Variants in CAPN14 observed in about 807,000 individuals in gnomAD.
The protein encoded by CAPN14 is calpain-14.
Under a neutral mutation model 101.3 loss-of-function variants are expected in CAPN14, and 94 were observed. That is an observed-to-expected ratio of 0.93 (90% CI 0.79 to 1.10). The LOEUF (loss-of-function observed/expected upper bound fraction) is 1.10. CAPN14 is among the 50% of genes least tolerant of loss of function. The pLI, the probability that CAPN14 is intolerant of heterozygous loss-of-function variation, is 0.00. For synonymous variants in CAPN14, 338 were observed against 317.9 expected (o/e 1.06, Z -0.67); for missense variants, 837 against 828.4 (o/e 1.01, Z -0.13).
At chr2:31,212,383 T>A (rs1472624933) in intron 1 of CAPN14, among the ~76,000 whole-genome samples, 3 of 151,744 alleles carry the variant, frequency 2.0e-5, no homozygotes, top group Non-Finnish European at 4.4e-5. Flanking sequence ...CTCAATATAG[T>A]TGATTCAAAC....
intron 2 of CAPN14, among the ~76,000 whole-genome samples, chr2:31,203,988 T>C (rs981013315): frequency 3.3e-5 from 5 of 152,212 alleles, no homozygotes; most frequent in Non-Finnish European, 5.9e-5. Context: ...GTAAAGTGAT[T>C]AATAGCTTCT....
intron 1 of CAPN14, among the ~76,000 whole-genome samples, chr2:31,208,190 GT>G (rs1400042054): frequency 1.4e-4 from 21 of 151,878 alleles, no homozygotes; most frequent in African/African-American, 4.8e-4. Context: ...AAAAACTGGA[GT>G]TTTTTTCCCT....
At position 31,203,123 on chromosome 2, in the gene CAPN14, G is replaced by A; in HGVS notation, c.242C>T (p.Pro81Leu). 7 of 1,551,518 alleles carry A rather than the reference G, an allele frequency of 4.5e-6. No homozygotes were observed. Among genetic ancestry groups the A allele is most frequent in the Non-Finnish European group, 6.1e-6 (7 of 1,146,950 alleles). ...TTTGGCCTTGGCAAAATAAAACTGG[G>A]GATTGCTGTGCAGCTCCTGGGAAAG... The part of the protein sequence containing the change: ...WKRPPELHSN[P>L]QFYFAKAKRL... Residue 81 changes from proline (P) to leucine (L), a missense_variant, in exon 3 of 22, where the codon CCC becomes CTC. Coordinates refer to ENST00000403897, the MANE Select transcript of CAPN14 (RefSeq NM_001145122.2).
intron 1 of CAPN14, among the ~76,000 whole-genome samples, chr2:31,216,503 C>T (rs1039289541): frequency 2.0e-5 from 3 of 152,234 alleles, no homozygotes; most frequent in Middle Eastern, 3.4e-3. Flanking sequence ...CACAGTCCAA[C>T]GACCAGGCTC....
At position 31,189,489 on chromosome 2, in the gene CAPN14, A is replaced by C. The variant is rs1407578990; in HGVS notation, c.1288-11T>G. Reference sequence around the variant, plus strand: ...CTGGTCATCATGGTACTGTGGGTAGAGGACAGAAGAACAGCAAGGGAGGTG... The same window carrying C: ...CTGGTCATCATGGTACTGTGGGTAGCGGACAGAAGAACAGCAAGGGAGGTG... On this transcript the variant is annotated splice_polypyrimidine_tract_variant and intron_variant, in intron 12 of 21. Transcript: ENST00000403897. The C allele has an allele frequency of 6.5e-7, 1 of 1,548,250 alleles. No individual in the cohort carries two copies. Among genetic ancestry groups the C allele is most frequent in the Non-Finnish European group, 8.7e-7 (1 of 1,144,930 alleles).
At chr2:31,176,670 A>G (rs1374061474) in intron 20 of CAPN14, 28 bp from the exon 21 acceptor site, 2 of 1,532,094 alleles carry the variant, frequency 1.3e-6, no homozygotes, top group Admixed American at 2.0e-5. Context: ...AAAGGAATAC[A>G]GCTAATGTGT....
upstream of CAPN14, among the ~76,000 whole-genome samples, chr2:31,222,480 A>C (rs1682890188): frequency 6.6e-6 from 1 of 152,210 alleles, no homozygotes; most frequent in Non-Finnish European, 1.5e-5. Flanking sequence ...TCAAGATAGC[A>C]ACTCACCTCT....
intron 1 of CAPN14, among the ~76,000 whole-genome samples, chr2:31,226,804 C>T (rs1259015630): frequency 2.6e-5 from 4 of 152,190 alleles, no homozygotes; most frequent in Non-Finnish European, 5.9e-5. Flanking sequence ...CATTCACCTG[C>T]CCATTCCCCT....
chr2:31,177,705 T>C, intron 19 of CAPN14, 41 bp downstream of exon 19: 1 of 1,426,320 alleles, frequency 7.0e-7, no homozygotes, highest in Non-Finnish European at 9.7e-7. Context: ...GTGTGCACCC[T>C]GCCCGTGTGT....
intron 1 of CAPN14, among the ~76,000 whole-genome samples, chr2:31,207,493 T>A (rs772337206): frequency 6.6e-6 from 1 of 152,144 alleles, no homozygotes; most frequent in African/African-American, 2.4e-5. Context: ...TCAGGTCAGG[T>A]GCAAGGGCTC....
chr2:31,189,702 T>C (rs916808665), intron 12 of CAPN14: 61 of 645,404 alleles, frequency 9.5e-5, no homozygotes, highest in Non-Finnish European at 1.7e-4. Flanking sequence ...CATAAACACG[T>C]GTCATTTGAT....
intron 16 of CAPN14, among the ~76,000 whole-genome samples, chr2:31,182,142 T>C (rs185722602): frequency 2.3e-4 from 35 of 152,200 alleles, no homozygotes; most frequent in African/African-American, 6.0e-4. Flanking sequence ...CAACCTTTCA[T>C]GCTAAAAACT....
chr2:31,181,487 C>G (rs1371443560), intron 16 of CAPN14, among the ~76,000 whole-genome samples: 16 of 126,054 alleles, frequency 1.3e-4, no homozygotes, highest in Admixed American at 5.1e-4. Flanking sequence ...CTTTCTCTCT[C>G]TCTCTCTTTC....
At chr2:31,214,950 G>T (rs566177709) in intron 1 of CAPN14, among the ~76,000 whole-genome samples, 40 of 147,462 alleles carry the variant, frequency 2.7e-4, no homozygotes, top group African/African-American at 9.6e-4. Context: ...TGGCCTGCTT[G>T]GCCTGACTGT....
chr2:31,203,005 C>A lies in CAPN14; in HGVS notation c.295+65G>T. 2 of 1,375,252 alleles carry A rather than the reference C, an allele frequency of 1.5e-6. 1 individual carries two copies. The highest frequency in any genetic ancestry group is 2.5e-5 in the South Asian group (2 of 78,556). The allele number at this position is 1,375,252 out of a possible 1,614,324, so 85.2% of individuals were successfully genotyped here. ...TGGCTTCTCTTCTTTATCAACCACT[C>A]TGTCTTGGCCAGGCCTGGTCAGCAG... On this transcript the variant is annotated intron_variant, in intron 3 of 21. Transcript: ENST00000403897.
intron 1 of CAPN14, among the ~76,000 whole-genome samples, chr2:31,227,539 G>A (rs554127951): frequency 2.0e-5 from 3 of 152,252 alleles, no homozygotes; most frequent in Admixed American, 1.3e-4. Context: ...TTTATTGAGC[G>A]CTTACTATAG....
chr2:31,231,791 G>A (rs937204297), intron 1 of CAPN14, among the ~76,000 whole-genome samples: 1 of 152,178 alleles, frequency 6.6e-6, no homozygotes, highest in Non-Finnish European at 1.5e-5. Context: ...TCTCTCCAAG[G>A]TCCAGACGCC....
At chr2:31,212,328 CA>C (rs201986833) in intron 1 of CAPN14, among the ~76,000 whole-genome samples, 2 of 139,462 alleles carry the variant, frequency 1.4e-5, no homozygotes, top group East Asian at 2.1e-4. Context: ...AAAAAAAAAA[CA>C]AAAAAAACAC....
At position 31,205,385 on chromosome 2, in the gene CAPN14, C is replaced by T. The variant is rs768792436; in HGVS notation, c.63G>A (p.Ala21=). 42 of 1,551,380 alleles carry T rather than the reference C, an allele frequency of 2.7e-5. No homozygotes were observed. The highest frequency in any genetic ancestry group is 3.5e-5 in the Non-Finnish European group (40 of 1,146,970). ...AGTCCTGTTGGGGTTGCTGTGGAGACGCCCTCCTAGAGTACCTTGGCGCCA... is the reference window on the plus strand; with the variant it reads ...AGTCCTGTTGGGGTTGCTGTGGAGATGCCCTCCTAGAGTACCTTGGCGCCA... ...WKLAPRYSRR[A]SPQQPQQDFE... is the part of the protein sequence containing the mutation. The change falls in exon 2 of 22, where the codon GCG becomes GCA. Residue 21 remains alanine, a synonymous_variant. Coordinates refer to ENST00000403897, the MANE Select transcript of CAPN14 (RefSeq NM_001145122.2).
Sources: gnomAD v4.1 joint callset for allele counts (sites outside exome capture counted in the v4.1 genomes callset) on GRCh38, gnomAD v4.1.1 for gene constraint, MANE v1.5 for transcripts, NCBI Gene and HGNC (gene_info 2026-07-23, HGNC 2026-07-21) for gene names.